Variants in ERFE observed in about 807,000 individuals in gnomAD.
ERFE encodes the protein erythroferrone.
In ERFE, 25 loss-of-function variants were observed where a neutral mutation model predicts 26.6. That is an observed-to-expected ratio of 0.94 (90% CI 0.69 to 1.31). The LOEUF (loss-of-function observed/expected upper bound fraction) is 1.31. ERFE is among the 40% of genes most tolerant of loss of function. The pLI is 0.00. For synonymous variants in ERFE, 206 were observed against 204.5 expected, an observed-to-expected ratio of 1.01 and a Z score of -0.06; for missense variants, 447 against 440.2, an observed-to-expected ratio of 1.02 and a Z score of -0.14.
In ERFE at chr2:238,167,358, GCCTGCTCAGCA is replaced by G. The variant is rs1289224200; in HGVS notation, c.*310_*320del. On this transcript the variant is annotated 3_prime_UTR_variant, in exon 8 of 8. Transcript: ENST00000546354. ...CCAGCTGCAGGCCGACTCTTTCCTGGCCTGCTCAGCACCTGCCCAGATGGCCTCTGCGTCTT... is the reference window on the plus strand; with the variant it reads ...CCAGCTGCAGGCCGACTCTTTCCTGGCCTGCCCAGATGGCCTCTGCGTCTT... 1 of 629,852 alleles carries G rather than the reference GCCTGCTCAGCA, an allele frequency of 1.6e-6. No homozygotes were observed. Among genetic ancestry groups the G allele is most frequent in the East Asian group, 3.3e-5 (1 of 30,306 alleles). 39.0% of individuals were successfully genotyped at this position (629,852 alleles called of 1,614,324 possible). A position where few individuals can be genotyped will look rare whatever the true frequency, so the allele number is the denominator to read the frequency against.
intron 2 of ERFE, 88 bp from the exon 3 acceptor site, chr2:238,162,647 CT>C: frequency 1.2e-6 from 1 of 849,040 alleles, no homozygotes; most frequent in African/African-American, 1.7e-5. Flanking sequence ...GCTCTGTTGC[CT>C]GCCTCTTAGT....
rs994256546 is a variant in ERFE, at chr2:238,167,288, T to C, written c.*234T>C. The C allele has an allele frequency of 5.7e-6, 4 of 700,478 alleles. No homozygotes were observed. The highest frequency in any genetic ancestry group is 3.0e-5 in the South Asian group (2 of 66,750). The allele number at this position is 700,478 out of a possible 1,614,324, so 43.4% of individuals were successfully genotyped here. A position where few individuals can be genotyped will look rare whatever the true frequency, so the allele number is the denominator to read the frequency against. On this transcript the variant is annotated 3_prime_UTR_variant, in exon 8 of 8. Coordinates refer to ENST00000546354, the MANE Select transcript of ERFE (RefSeq NM_001291832.2). The stretch of plus-strand genomic sequence containing the variant: ...TTCAGGACACCATCTTGGGCTCTTA[T>C]CCAGGAAAGAAAGAGTCGGCGTGCC...
At chr2:238,163,607 A>G (rs2106320029) in intron 3 of ERFE, 130 bp from the exon 4 acceptor site, 1 of 1,093,200 alleles carries the variant, frequency 9.1e-7, no homozygotes, top group Non-Finnish European at 1.2e-6. Context: ...GGCCGAGGGG[A>G]CGTCGCCCTC....
In ERFE at chr2:238,166,973, C is replaced by T; in HGVS notation, c.984C>T (p.Ser328=). The T allele has an allele frequency of 3.9e-6, 6 of 1,550,490 alleles. No individual in the cohort carries two copies. Among genetic ancestry groups the T allele is most frequent in the Non-Finnish European group, 5.2e-6 (6 of 1,146,990 alleles). ...VLYLQMGQWT[S]VFLDNASGCS... is the part of the protein sequence containing the mutation. Reference sequence around the variant, plus strand: ...CCTTGCAGATGGGGCAGTGGACCTCCGTGTTCTTGGACAACGCCAGCGGCT... The same window carrying T: ...CCTTGCAGATGGGGCAGTGGACCTCTGTGTTCTTGGACAACGCCAGCGGCT... The change falls in exon 8 of 8, where the codon TCC becomes TCT. Residue 328 remains serine (S), a synonymous_variant. Transcript: ENST00000546354.
intron 2 of ERFE, among the ~76,000 whole-genome samples, chr2:238,162,278 G>C (rs34791859): frequency 0.24 from 36,047 of 152,216 alleles, 4,563 homozygotes; most frequent in East Asian, 0.47. Context: ...TGTCCTCGTG[G>C]CCTGGCCTTC....
Position 238,162,831 on chromosome 2 carries a change from G to A in ERFE, c.417G>A (p.Leu139=), listed in dbSNP as rs1350065291. 2 of 1,550,122 alleles carry A rather than the reference G, an allele frequency of 1.3e-6. No homozygotes were observed. Among genetic ancestry groups the A allele is most frequent in the South Asian group, 2.4e-5 (2 of 83,988 alleles). The change falls in exon 3 of 8, where the codon CTG becomes CTA. Residue 139 remains leucine, a synonymous_variant. Transcript: ENST00000546354. ...CGCTGCTGAAGGAGTTCCAGCTGCTGCTGAAAGGTAGGGGTGTGCACCGGC... is the reference window on the plus strand; with the variant it reads ...CGCTGCTGAAGGAGTTCCAGCTGCTACTGAAAGGTAGGGGTGTGCACCGGC... ...PEALLKEFQL[L]LKGAVRQRER...
rs1204575518 is a variant in ERFE at position 238,167,560 on chromosome 2, C to T, written c.*506C>T. On this transcript the variant is annotated 3_prime_UTR_variant, in exon 8 of 8. Coordinates refer to ENST00000546354, the MANE Select transcript of ERFE (RefSeq NM_001291832.2). ...TTACTGCTTAGAAGGGACGGGGTCA[C>T]TCACCACTCCCCTGGTCTCCATCTG... The T allele has an allele frequency of 4.9e-6, 2 of 408,750 alleles. No individual in the cohort carries two copies. The highest frequency in any genetic ancestry group is 1.0e-5 in the Non-Finnish European group (2 of 200,446). 25.3% of individuals were successfully genotyped at this position (408,750 alleles called of 1,614,324 possible).
chr2:238,168,382 C>T lies in ERFE; in HGVS notation c.*1328C>T, dbSNP rs140402227. On this transcript the variant is annotated 3_prime_UTR_variant, in exon 8 of 8. Transcript: ENST00000546354. ...TCCCCACACAACAGGCTACGAAGAA[C>T]CTGGTGCCTCAGGACCTCCTGGGAG... is the stretch of plus-strand genomic sequence containing the variant. 196 of 471,006 alleles carry T rather than the reference C, an allele frequency of 4.2e-4. 1 individual carries two copies. The highest frequency in any genetic ancestry group is 3.8e-3 in the African/African-American group (190 of 50,198). 29.2% of individuals were successfully genotyped at this position (471,006 alleles called of 1,614,324 possible).
chr2:238,165,718 C>T (rs771668828), intron 7 of ERFE, 34 bp downstream of exon 7: 30 of 1,536,698 alleles, frequency 2.0e-5, no homozygotes, highest in South Asian at 4.8e-5. Flanking sequence ...CGAGGGGCAC[C>T]GCCTGGGCAT....
In ERFE at chr2:238,167,686, T is replaced by C. The variant is rs1029804002; in HGVS notation, c.*632T>C. The C allele has an allele frequency of 2.6e-5, 9 of 344,734 alleles. No individual in the cohort carries two copies. The highest frequency in any genetic ancestry group is 1.3e-4 in the African/African-American group (6 of 46,564). The allele number at this position is 344,734 out of a possible 1,614,324, so 21.4% of individuals were successfully genotyped here. A position where few individuals can be genotyped will look rare whatever the true frequency, so the allele number is the denominator to read the frequency against. ...CCAGAGGGGCACTGGACAAGGGCCT[T>C]TGGGGGACAGTAAGTCTGGGCCCAG... On this transcript the variant is annotated 3_prime_UTR_variant, in exon 8 of 8. Coordinates refer to ENST00000546354, the MANE Select transcript of ERFE (RefSeq NM_001291832.2).
Position 238,163,790 on chromosome 2 carries a change from G to A in ERFE, c.478G>A (p.Ala160Thr), listed in dbSNP as rs1348391115. Reference protein sequence around the residue: ...AEPEPCTCGPAGPVAASLAPV... With the variant: ...AEPEPCTCGPTGPVAASLAPV... ...GCCCGAACCCTGTACGTGTGGCCCC[G>A]CCGGGCCGGTCGCTGCGAGCCTCGC... Residue 160 changes from alanine to threonine, a missense_variant, in exon 4 of 8, where the codon GCC (alanine) becomes ACC (threonine). Coordinates refer to ENST00000546354, the MANE Select transcript of ERFE (RefSeq NM_001291832.2). 8 of 1,355,704 alleles carry A rather than the reference G, an allele frequency of 5.9e-6. No individual in the cohort carries two copies. The Admixed American group carries it at 1.4e-4, about 24-fold the overall frequency. The allele number at this position is 1,355,704 out of a possible 1,614,324, so 84.0% of individuals were successfully genotyped here.
At position 238,167,456 on chromosome 2, in the gene ERFE, C is replaced by A. The variant is rs1372710343; in HGVS notation, c.*402C>A. The A allele has an allele frequency of 2.1e-6, 1 of 478,742 alleles. No homozygotes were observed. The highest frequency in any genetic ancestry group is 4.1e-6 in the Non-Finnish European group (1 of 241,922). The allele number at this position is 478,742 out of a possible 1,614,324, so 29.7% of individuals were successfully genotyped here. ...TGTTCTCATGGAGTGCAAAGTGCAC[C>A]AGCCAGGGCCCCTACCTGGGAGAGG... On this transcript the variant is annotated 3_prime_UTR_variant, in exon 8 of 8. Transcript: ENST00000546354.
Position 238,159,128 on chromosome 2 carries a change from C to A in ERFE, c.121C>A (p.Arg41Ser). 5.0e-6 allele frequency: 1 copy of A among 201,738 alleles called. No individual in the cohort carries two copies. Among genetic ancestry groups the A allele is most frequent in the East Asian group, 1.3e-4 (1 of 7,700 alleles). 12.5% of individuals were successfully genotyped at this position (201,738 alleles called of 1,614,324 possible). Reference sequence around the variant, plus strand: ...TGGGGCGCCCTCGAGGAGCCGCGCCCGCAGGGAGCCGCCGCCCGGGAACGA... The same window carrying A: ...TGGGGCGCCCTCGAGGAGCCGCGCCAGCAGGGAGCCGCCGCCCGGGAACGA... ...EPGAPSRSRA[R>S]REPPPGNELP... The change falls in exon 1 of 8, where the codon CGC (arginine) becomes AGC (serine). Residue 41 changes from arginine (R) to serine (S), a missense_variant. Physicochemically the swap from Arg to Ser is moderately radical, Grantham distance 110. Coordinates refer to ENST00000546354, the MANE Select transcript of ERFE (RefSeq NM_001291832.2).
rs1203601709 is a variant in ERFE at position 238,163,789 on chromosome 2, C to T, written c.477C>T (p.Pro159=). The change falls in exon 4 of 8, where the codon CCC becomes CCT. Residue 159 remains proline (P), a synonymous_variant. Coordinates refer to ENST00000546354, the MANE Select transcript of ERFE (RefSeq NM_001291832.2). The part of the protein sequence containing the change: ...RAEPEPCTCG[P]AGPVAASLAP... ...AGCCCGAACCCTGTACGTGTGGCCC[C>T]GCCGGGCCGGTCGCTGCGAGCCTCG... is the stretch of plus-strand genomic sequence containing the variant. The T allele has an allele frequency of 2.2e-6, 3 of 1,356,788 alleles. No homozygotes were observed. Among genetic ancestry groups the T allele is most frequent in the Admixed American group, 3.5e-5 (1 of 28,424 alleles). 84.0% of individuals were successfully genotyped at this position (1,356,788 alleles called of 1,614,324 possible).
In ERFE at chr2:238,168,211, CTG is replaced by C; in HGVS notation, c.*1160_*1161del. On this transcript the variant is annotated 3_prime_UTR_variant, in exon 8 of 8. Transcript: ENST00000546354. Reference sequence around the variant, plus strand: ...GGCAGCTCTCATGAGGACACACAGGCTGTGAGCCCGCAGCCTCCTCAAATGTA... The same window carrying C: ...GGCAGCTCTCATGAGGACACACAGGCTGAGCCCGCAGCCTCCTCAAATGTA... The C allele has an allele frequency of 5.6e-6, 2 of 355,206 alleles. No homozygotes were observed. The highest frequency in any genetic ancestry group is 2.2e-5 in the South Asian group (1 of 45,692). The allele number at this position is 355,206 out of a possible 1,614,324, so 22.0% of individuals were successfully genotyped here.
chr2:238,162,926 A>C, intron 3 of ERFE, 88 bp downstream of exon 3: 5 of 1,070,936 alleles, frequency 4.7e-6, no homozygotes, highest in Non-Finnish European at 6.8e-6. Flanking sequence ...GGCCAACCTC[A>C]ACACTTCGGC....
chr2:238,163,695 T>G, intron 3 of ERFE, 42 bp from the exon 4 acceptor site: 1 of 1,270,548 alleles, frequency 7.9e-7, no homozygotes, highest in Non-Finnish European at 9.9e-7. Context: ...GGCGGGCGGG[T>G]GAGGGGTCCC....
Position 238,165,650 on chromosome 2 carries a change from T to TCG in ERFE, c.933_934insGC (p.Thr312AlafsTer5), listed in dbSNP as rs1693022268. The TCG allele has an allele frequency of 6.5e-7, 1 of 1,549,446 alleles. No individual in the cohort carries two copies. ...GGCCTGGAGAGCAGCAGTGAGCTCT[T>TCG]CACCATCTCTGTGAATGGCGTCCTG... On this transcript the variant is annotated frameshift_variant, in exon 7 of 8. Coordinates refer to ENST00000546354, the MANE Select transcript of ERFE (RefSeq NM_001291832.2). LOFTEE classifies it high-confidence loss of function.
At chr2:238,166,613 G>C (rs1693039385) in intron 7 of ERFE, among the ~76,000 whole-genome samples, 1 of 152,216 alleles carries the variant, frequency 6.6e-6, no homozygotes, top group Non-Finnish European at 1.5e-5. Context: ...TGCCTGTGGG[G>C]AAGGGCCACC....
Sources: gnomAD v4.1 joint callset for allele counts (sites outside exome capture counted in the v4.1 genomes callset) on GRCh38, gnomAD v4.1.1 for gene constraint, MANE v1.5 for transcripts, NCBI Gene and HGNC (gene_info 2026-07-23, HGNC 2026-07-21) for gene names.